CDH2: variants seen among roughly 807,000 people sequenced by gnomAD.
CDH2 encodes the protein cadherin-2.
Under a neutral mutation model 92.0 loss-of-function variants are expected in CDH2, and 17 were observed. The observed-to-expected ratio is 0.18, with a 90% CI of 0.13 to 0.28. The LOEUF (loss-of-function observed/expected upper bound fraction) is 0.28, where lower values mean the gene tolerates loss of function less well. Ranked by LOEUF, CDH2 falls within the 10% of genes least tolerant of loss-of-function variation. The probability of loss-of-function intolerance (pLI) is 1.00; values close to 1 mark genes in which losing one functional copy is unlikely to be tolerated. For synonymous variants in CDH2, 419 were observed against 415.9 expected, an observed-to-expected ratio of 1.01 and a Z score of -0.09; for missense variants, 862 against 1,133.1, an observed-to-expected ratio of 0.76 and a Z score of 3.44.
chr18:28,036,438 T>C (rs758805900), intron 2 of CDH2: 1 of 958,758 alleles, frequency 1.0e-6, no homozygotes. Context: ...TAAATCACCA[T>C]GTTATGGAAT....
At chr18:28,165,781 GCTA>G (rs1206095012) in intron 1 of CDH2, among the ~76,000 whole-genome samples, 3 of 150,408 alleles carry the variant, frequency 2.0e-5, no homozygotes, top group African/African-American at 7.4e-5. Flanking sequence ...GCTTCTTCAG[GCTA>G]CTAAGTCAGT....
At chr18:27,976,971 A>T (rs143128354) in intron 14 of CDH2, among the ~76,000 whole-genome samples, 1 of 152,290 alleles carries the variant, frequency 6.6e-6, no homozygotes, top group Admixed American at 6.5e-5. Flanking sequence ...AGTGACGCTG[A>T]TATGGAAAGA....
intron 7 of CDH2, among the ~76,000 whole-genome samples, chr18:27,995,336 T>A (rs188787269): frequency 0.01 from 1,126 of 108,068 alleles, 9 homozygotes; most frequent in Non-Finnish European, 0.013. Flanking sequence ...AAAAAAAAAA[T>A]GTTAACATAG....
chr18:28,121,958 A>G (rs933287274), intron 2 of CDH2, among the ~76,000 whole-genome samples: 2 of 152,118 alleles, frequency 1.3e-5, no homozygotes, highest in African/African-American at 4.8e-5. Context: ...TTCGGTAGAG[A>G]AAGAACTAAA....
intron 12 of CDH2, 132 bp downstream of exon 12, chr18:27,985,396 C>T (rs17445791): frequency 1.8e-4 from 144 of 813,812 alleles, no homozygotes; most frequent in Admixed American, 5.2e-4. Flanking sequence ...CCTTTAATAT[C>T]TTACTTAAAC....
intron 2 of CDH2, 68 bp downstream of exon 2, chr18:28,147,605 T>C: frequency 2.0e-6 from 2 of 995,130 alleles, no homozygotes; most frequent in Non-Finnish European, 3.1e-6. Flanking sequence ...GATTTAGGCT[T>C]TTTTAATGGC....
At chr18:28,101,657 G>T (rs2015228971) in intron 2 of CDH2, among the ~76,000 whole-genome samples, 1 of 152,016 alleles carries the variant, frequency 6.6e-6, no homozygotes. Context: ...TGTTCTTGTG[G>T]ATCAGTTTTA....
At chr18:28,025,148 G>T (rs2013515427) in intron 2 of CDH2, among the ~76,000 whole-genome samples, 1 of 152,084 alleles carries the variant, frequency 6.6e-6, no homozygotes, top group Non-Finnish European at 1.5e-5. Flanking sequence ...TCTTGGTCAG[G>T]GAGATGATCT....
intron 14 of CDH2, among the ~76,000 whole-genome samples, chr18:27,969,106 T>A (rs1232711595): frequency 6.6e-6 from 1 of 152,226 alleles, no homozygotes. Context: ...GTAACTATCT[T>A]CACAGGTGAA....
Position 28,173,950 on chromosome 18 carries a change from T to C in CDH2, c.60+3013A>G, listed in dbSNP as rs529117822. Among the ~76,000 whole-genome samples the C allele has an allele frequency of 2.6e-5, 4 of 152,328 alleles. No individual in the cohort carries two copies. In the South Asian group the frequency reaches 8.3e-4, roughly 32 times the overall value. On this transcript the variant is annotated intron_variant, in intron 1 of 15. Coordinates refer to ENST00000269141, the MANE Select transcript of CDH2 (RefSeq NM_001792.5). ...AAGCTGAATGCTCAAATTCGGATTT[T>C]TTAATATAAAAAAGGCTAACATCTT...
intron 2 of CDH2, among the ~76,000 whole-genome samples, chr18:28,050,141 A>G (rs1372931943): frequency 6.6e-6 from 1 of 152,154 alleles, no homozygotes; most frequent in Non-Finnish European, 1.5e-5. Flanking sequence ...AAGAAGAGTG[A>G]TTGTCGTTTT....
At chr18:28,116,513 A>C (rs1159975229) in intron 2 of CDH2, among the ~76,000 whole-genome samples, 1 of 152,180 alleles carries the variant, frequency 6.6e-6, no homozygotes, top group Non-Finnish European at 1.5e-5. Context: ...TTTCTTGAGG[A>C]AATCACTATT....
At chr18:28,170,492 C>A (rs537959144) in intron 1 of CDH2, among the ~76,000 whole-genome samples, 1 of 152,256 alleles carries the variant, frequency 6.6e-6, no homozygotes, top group Non-Finnish European at 1.5e-5. Context: ...ATTACGGGTG[C>A]CTACCATCAT....
chr18:28,044,320 T>G (rs2014026386), intron 2 of CDH2, among the ~76,000 whole-genome samples: 1 of 152,168 alleles, frequency 6.6e-6, no homozygotes, highest in Non-Finnish European at 1.5e-5. Context: ...CTGTTCACAT[T>G]TTGCCTGTTA....
intron 2 of CDH2, among the ~76,000 whole-genome samples, chr18:28,029,027 A>T (rs1448897746): frequency 6.6e-6 from 1 of 152,140 alleles, no homozygotes. Flanking sequence ...GGAAAAAATC[A>T]TGGCTTCCCA....
rs1567939492 is a variant in CDH2 at position 27,963,505 on chromosome 18, TG to T, written c.2365del (p.Gln789SerfsTer68). On this transcript the variant is annotated frameshift_variant, in exon 15 of 16. Coordinates refer to ENST00000269141, the MANE Select transcript of CDH2 (RefSeq NM_001792.5). LOFTEE classifies it high-confidence loss of function. ...GEEDQDYDLSQLQQPDTVEPD... is the reference protein window; with the variant it reads ...GEEDQDYDLSXLQQPDTVEPD... ...CTCCACAGTGTCAGGCTGCTGCAGC[TG>T]GCTCAAGTCATAGTCCTGCAAAAAG... 1 of 1,614,052 alleles carries T rather than the reference TG, an allele frequency of 6.2e-7. No individual in the cohort carries two copies. The highest frequency in any genetic ancestry group is 8.5e-7 in the Non-Finnish European group (1 of 1,180,022).
At chr18:27,988,489 T>C (rs2012305143) in intron 11 of CDH2, 35 bp downstream of exon 11, 5 of 1,588,568 alleles carry the variant, frequency 3.1e-6, no homozygotes, top group Non-Finnish European at 4.3e-6. Context: ...ATCTACTGTC[T>C]TTCATCAACA....
At chr18:28,051,020 G>T (rs1360298912) in intron 2 of CDH2, among the ~76,000 whole-genome samples, 2 of 152,202 alleles carry the variant, frequency 1.3e-5, no homozygotes, top group East Asian at 3.9e-4. Context: ...CAACTGAAAA[G>T]AAAATATTTA....
chr18:28,067,236 C>T (rs750040400), intron 2 of CDH2, among the ~76,000 whole-genome samples: 1 of 152,076 alleles, frequency 6.6e-6, no homozygotes, highest in Non-Finnish European at 1.5e-5. Context: ...ATATACAATT[C>T]ACTCATTTAA....
Sources: gnomAD v4.1 joint callset for allele counts (sites outside exome capture counted in the v4.1 genomes callset) on GRCh38, gnomAD v4.1.1 for gene constraint, MANE v1.5 for transcripts, NCBI Gene and HGNC (gene_info 2026-07-23, HGNC 2026-07-21) for gene names.